APBA2: variants seen among roughly 807,000 people sequenced by gnomAD.
APBA2 encodes the protein amyloid-beta A4 precursor protein-binding family A member 2.
Under a neutral mutation model 75.0 loss-of-function variants are expected in APBA2, and 30 were observed. That is an observed-to-expected ratio of 0.40 (90% confidence interval 0.30 to 0.54). The LOEUF (loss-of-function observed/expected upper bound fraction) is 0.54. Ranked by LOEUF, APBA2 falls within the 20% of genes least tolerant of loss-of-function variation. The pLI is 0.49. For synonymous variants in APBA2, 444 were observed against 409.6 expected (o/e 1.08, Z -1.01); for missense variants, 801 against 1,016.1 (o/e 0.79, Z 2.88).
At chr15:29,097,898 G>T (rs1200977995) in intron 8 of APBA2, among the ~76,000 whole-genome samples, 1 of 152,158 alleles carries the variant, frequency 6.6e-6, no homozygotes, top group Non-Finnish European at 1.5e-5. Context: ...TGAGTGAGAT[G>T]GTGCAGTATT....
At chr15:28,899,296 C>G (rs2032703412) in intron 1 of APBA2, among the ~76,000 whole-genome samples, 1 of 152,260 alleles carries the variant, frequency 6.6e-6, no homozygotes, top group Non-Finnish European at 1.5e-5. Flanking sequence ...CCTGCCTCAT[C>G]TACCTGTGAA....
chr15:29,081,603 T>G (rs2152932959), intron 6 of APBA2, among the ~76,000 whole-genome samples: 1 of 152,354 alleles, frequency 6.6e-6, no homozygotes, highest in Non-Finnish European at 1.5e-5. Flanking sequence ...ACATTTCTTG[T>G]GAATTTCTCC....
chr15:29,080,400 T>TG (rs1419208465), intron 6 of APBA2, among the ~76,000 whole-genome samples: 1 of 152,004 alleles, frequency 6.6e-6, no homozygotes, highest in African/African-American at 2.4e-5. Flanking sequence ...GAGAGTTCAG[T>TG]GGAGGGGAGC....
At position 29,069,680 on chromosome 15, in the gene APBA2, T is replaced by A. The variant is rs77280258; in HGVS notation, c.952-5241T>A. On this transcript the variant is annotated intron_variant, in intron 4 of 14. Coordinates refer to ENST00000683413, the MANE Select transcript of APBA2 (RefSeq NM_001353788.2). ...AGGATCACTGGGTTCTGTCTCCACA[T>A]TGGAAGGTGAGCTGTCCTAGGTCAG... Among the ~76,000 whole-genome samples the A allele has an allele frequency of 1.1e-4, 17 of 152,288 alleles. No homozygotes were observed. In the East Asian group the frequency reaches 2.3e-3, roughly 21 times the overall value.
chr15:29,044,125 G>T (rs1049293171), intron 3 of APBA2, among the ~76,000 whole-genome samples: 2 of 152,164 alleles, frequency 1.3e-5, no homozygotes, highest in South Asian at 4.1e-4. Context: ...TGTATGATAC[G>T]TTTTCACCCA....
At chr15:28,999,294 C>T (rs2038719592) in intron 3 of APBA2, among the ~76,000 whole-genome samples, 1 of 152,156 alleles carries the variant, frequency 6.6e-6, no homozygotes, top group Admixed American at 6.5e-5. Flanking sequence ...TTAGCAACTT[C>T]TTTAAGAGAA....
chr15:29,098,917 A>T (rs1054452224), intron 9 of APBA2, among the ~76,000 whole-genome samples: 5 of 152,124 alleles, frequency 3.3e-5, no homozygotes, highest in African/African-American at 1.2e-4. Flanking sequence ...CACCACTCCC[A>T]ACCCAGTGCC....
In APBA2 at chr15:29,101,737, G is replaced by A. The variant is rs1246828692; in HGVS notation, c.1477G>A (p.Gly493Ser). Reference sequence around the variant, plus strand: ...CGAGACCACGCCCGGGGCCCAGGAAGGCAAGAAGCAGTATAAGATGATCTG... The same window carrying A: ...CGAGACCACGCCCGGGGCCCAGGAAAGCAAGAAGCAGTATAAGATGATCTG... ...CIETTPGAQE[G>S]KKQYKMICHV... The change falls in exon 10 of 15, where the codon GGC becomes AGC. Residue 493 changes from glycine (G) to serine (S), a missense_variant. By Grantham distance (56) the Gly-to-Ser change is moderately conservative. Transcript: ENST00000683413. 3.7e-6 allele frequency: 6 copies of A among 1,613,710 alleles called. No homozygotes were observed. Among genetic ancestry groups the A allele is most frequent in the Non-Finnish European group, 5.1e-6 (6 of 1,180,038 alleles).
intron 1 of APBA2, among the ~76,000 whole-genome samples, chr15:28,897,548 G>T (rs1459411633): frequency 6.7e-6 from 1 of 150,154 alleles, no homozygotes; most frequent in East Asian, 2.0e-4. Flanking sequence ...AACCCGGGAG[G>T]TGGAGGTTGC....
intron 1 of APBA2, among the ~76,000 whole-genome samples, chr15:28,898,034 G>T (rs573151437): frequency 6.6e-6 from 1 of 152,302 alleles, no homozygotes; most frequent in East Asian, 1.9e-4. Flanking sequence ...GGAAATTGGA[G>T]TGATGCGGCC....
intron 3 of APBA2, among the ~76,000 whole-genome samples, chr15:29,002,416 A>G (rs1397175362): frequency 6.6e-6 from 1 of 152,110 alleles, no homozygotes; most frequent in Non-Finnish European, 1.5e-5. Flanking sequence ...AATCTCCTTC[A>G]ATCAGTTCAT....
intron 11 of APBA2, 98 bp downstream of exon 11, chr15:29,105,656 C>T (rs1216151922): frequency 3.0e-6 from 4 of 1,347,944 alleles, no homozygotes; most frequent in Non-Finnish European, 4.2e-6. Flanking sequence ...CACGCACACC[C>T]TTGCCTTCCT....
chr15:28,950,738 A>G (rs1228167241), intron 2 of APBA2, among the ~76,000 whole-genome samples: 1 of 151,850 alleles, frequency 6.6e-6, no homozygotes, highest in Non-Finnish European at 1.5e-5. Flanking sequence ...GTTACACTCC[A>G]CTCCTTCATG....
chr15:29,031,661 A>G (rs2040493928), intron 3 of APBA2, among the ~76,000 whole-genome samples: 1 of 152,090 alleles, frequency 6.6e-6, no homozygotes, highest in African/African-American at 2.4e-5. Context: ...GGTGCATGTT[A>G]CAGATTGCTG....
intron 1 of APBA2, among the ~76,000 whole-genome samples, chr15:28,909,458 C>T (rs2152646834): frequency 6.6e-6 from 1 of 152,368 alleles, no homozygotes; most frequent in East Asian, 1.9e-4. Context: ...CTTCTTAGGG[C>T]TGACTACTGC....
chr15:29,002,213 A>G (rs1351581674), intron 3 of APBA2, among the ~76,000 whole-genome samples: 1 of 152,214 alleles, frequency 6.6e-6, no homozygotes, highest in Non-Finnish European at 1.5e-5. Context: ...CGGACATGCT[A>G]ATTTAACTCT....
At chr15:28,923,753 T>C (rs1022098454) in intron 2 of APBA2, among the ~76,000 whole-genome samples, 1 of 152,204 alleles carries the variant, frequency 6.6e-6, no homozygotes, top group African/African-American at 2.4e-5. Context: ...GTTTAGACTA[T>C]TGAGTAGCCC....
At chr15:29,073,085 G>GC (rs1407603553) in intron 4 of APBA2, among the ~76,000 whole-genome samples, 1 of 152,188 alleles carries the variant, frequency 6.6e-6, no homozygotes, top group Non-Finnish European at 1.5e-5. Flanking sequence ...CGGCATATCT[G>GC]CCCCCATCAG....
intron 2 of APBA2, among the ~76,000 whole-genome samples, chr15:28,973,277 A>T (rs117347124): frequency 4.6e-5 from 7 of 152,244 alleles, no homozygotes; most frequent in Non-Finnish European, 8.8e-5. Flanking sequence ...ATTGGTGTGT[A>T]AAATTTGAAG....
Sources: gnomAD v4.1 joint callset for allele counts (sites outside exome capture counted in the v4.1 genomes callset) on GRCh38, gnomAD v4.1.1 for gene constraint, MANE v1.5 for transcripts, NCBI Gene and HGNC (gene_info 2026-07-23, HGNC 2026-07-21) for gene names.